The following PAK2 variants were observed in gnomAD, a reference collection of about 807,000 sequenced individuals.
The protein encoded by PAK2 is p21 (RAC1) activated kinase 2.
Under a neutral mutation model 65.9 loss-of-function variants are expected in PAK2, and 21 were observed. The ratio of observed to expected loss-of-function variants is 0.32; its 90% CI spans 0.23 to 0.46. The LOEUF (loss-of-function observed/expected upper bound fraction) is 0.46. Ranked by LOEUF, PAK2 falls within the 20% of genes least tolerant of loss-of-function variation. The pLI is 1.00. For synonymous variants in PAK2, 204 were observed against 219.7 expected, an observed-to-expected ratio of 0.93 and a Z score of 0.63; for missense variants, 324 against 642.6, an observed-to-expected ratio of 0.50 and a Z score of 5.36.
At position 196,832,106 on chromosome 3, in the gene PAK2, C is replaced by G. The variant is rs903583403; in HGVS notation, c.*3701C>G. The G allele has an allele frequency of 1.3e-5, 2 of 152,182 alleles. No individual in the cohort carries two copies. Among genetic ancestry groups the G allele is most frequent in the African/African-American group, 4.8e-5 (2 of 41,434 alleles). 9.4% of individuals were successfully genotyped at this position (152,182 alleles called of 1,614,324 possible). A position where few individuals can be genotyped will look rare whatever the true frequency, so the allele number is the denominator to read the frequency against. ...AAGCGCTGGCCTGGCCTTGAAAGAA[C>G]CGAAGTCTTTCCCATTCACTTCTCT... On this transcript the variant is annotated 3_prime_UTR_variant, in exon 15 of 15. Transcript: ENST00000327134.
intron 1 of PAK2, among the ~76,000 whole-genome samples, chr3:196,745,633 T>C (rs1301187567): frequency 6.6e-6 from 1 of 152,056 alleles, no homozygotes; most frequent in African/African-American, 2.4e-5. Context: ...ACCAACGTGG[T>C]GAAACCTTGT....
intron 1 of PAK2, among the ~76,000 whole-genome samples, chr3:196,741,281 T>C (rs1713183304): frequency 6.6e-6 from 1 of 152,160 alleles, no homozygotes; most frequent in African/African-American, 2.4e-5. Context: ...GATTTTGTTT[T>C]TGTAGGGTTG....
At chr3:196,764,089 AC>A (rs1433308463) in intron 1 of PAK2, among the ~76,000 whole-genome samples, 2 of 150,622 alleles carry the variant, frequency 1.3e-5, no homozygotes, top group African/African-American at 2.4e-5. Context: ...GGCGTGAGCC[AC>A]CGCGCCCGGC....
chr3:196,762,252 A>G (rs1226575269), intron 1 of PAK2, among the ~76,000 whole-genome samples: 5 of 106,738 alleles, frequency 4.7e-5, no homozygotes, highest in Admixed American at 4.5e-4. Context: ...ATCCCAGACG[A>G]TGGGCGGCCA....
At chr3:196,810,337 T>G (rs1715735059) in intron 7 of PAK2, among the ~76,000 whole-genome samples, 2 of 152,116 alleles carry the variant, frequency 1.3e-5, no homozygotes, top group Admixed American at 6.6e-5. Context: ...TCTAACCTAA[T>G]GGAAATAATG....
rs1463301767 is a variant in PAK2 at position 196,820,080 on chromosome 3, T to A, written c.1154-291T>A. ...TTTAGTTTTGGTGTCTACTTTTGCT[T>A]TACTTTTTCGTAGACCTCTTTCAGT... On this transcript the variant is annotated intron_variant, in intron 12 of 14. Transcript: ENST00000327134. This position sits in a 1 kb window ranked among gnomAD's most constrained non-coding sequence, Gnocchi z 4.6. Among the ~76,000 whole-genome samples, 1 of 152,210 alleles carries A rather than the reference T, an allele frequency of 6.6e-6. No homozygotes were observed. Among genetic ancestry groups the A allele is most frequent in the African/African-American group, 2.4e-5 (1 of 41,462 alleles).
At chr3:196,803,245 A>G (rs1313553003) in intron 4 of PAK2, 81 bp downstream of exon 4, 26 of 1,132,246 alleles carry the variant, frequency 2.3e-5, no homozygotes, top group Non-Finnish European at 3.0e-5. Flanking sequence ...GGAAAAATGA[A>G]AAGCTAAACT....
In PAK2 at chr3:196,812,723, C is replaced by T. The variant is rs1431266602; in HGVS notation, c.823-16C>T. ...ATTCCTAAACCTGGTTTTTTTCAAT[C>T]CTGTTTTCATTATAGGTTGCTATCA... On this transcript the variant is annotated splice_polypyrimidine_tract_variant and intron_variant, in intron 9 of 14. Coordinates refer to ENST00000327134, the MANE Select transcript of PAK2 (RefSeq NM_002577.4). 5 of 1,142,196 alleles carry T rather than the reference C, an allele frequency of 4.4e-6. No homozygotes were observed. The highest frequency in any genetic ancestry group is 1.9e-5 in the Admixed American group (1 of 51,800). 70.8% of individuals were successfully genotyped at this position (1,142,196 alleles called of 1,614,324 possible).
chr3:196,766,458 A>G (rs1035843207), intron 1 of PAK2, among the ~76,000 whole-genome samples: 9 of 152,322 alleles, frequency 5.9e-5, no homozygotes, highest in African/African-American at 1.9e-4. Flanking sequence ...TTTACATTCA[A>G]TTCTGTTCCG....
In PAK2 at chr3:196,758,105, C is replaced by T. The variant is rs1453809018; in HGVS notation, c.-22+17948C>T. On this transcript the variant is annotated intron_variant, in intron 1 of 14. Transcript: ENST00000327134. ...TTTATTCATTCAAGAAATAATGACTCATCACCTACTCTGGGCTAAACACAG... is the reference window on the plus strand; with the variant it reads ...TTTATTCATTCAAGAAATAATGACTTATCACCTACTCTGGGCTAAACACAG... 2.0e-5 allele frequency among the ~76,000 whole-genome samples: 3 copies of T among 152,178 alleles called. No individual in the cohort carries two copies. The East Asian group carries it at 5.8e-4, about 29-fold the overall frequency.
chr3:196,799,186 GT>G (rs1291588931), intron 2 of PAK2, among the ~76,000 whole-genome samples: 3 of 152,188 alleles, frequency 2.0e-5, no homozygotes, highest in Admixed American at 2.0e-4. Context: ...GTGGAAGTAA[GT>G]GTAATAAGGT....
chr3:196,795,773 A>C (rs1358632432), intron 2 of PAK2, among the ~76,000 whole-genome samples: 2 of 152,230 alleles, frequency 1.3e-5, no homozygotes, highest in African/African-American at 4.8e-5. Context: ...AAAAAATGTT[A>C]AACTAAGCCC....
intron 1 of PAK2, among the ~76,000 whole-genome samples, chr3:196,754,728 G>A (rs1713713831): frequency 6.6e-6 from 1 of 152,180 alleles, no homozygotes; most frequent in African/African-American, 2.4e-5. Context: ...AGCCCCGCTG[G>A]AACCTTACCT....
intron 1 of PAK2, among the ~76,000 whole-genome samples, chr3:196,750,960 T>C: frequency 6.6e-6 from 1 of 152,188 alleles, no homozygotes. Flanking sequence ...GTGGTACAAC[T>C]TTCCCTACCA....
chr3:196,767,259 G>T (rs78030636), intron 1 of PAK2, among the ~76,000 whole-genome samples: 2 of 151,934 alleles, frequency 1.3e-5, no homozygotes, highest in Non-Finnish European at 2.9e-5. Context: ...TTGTATTTTT[G>T]TGAGTATATC....
chr3:196,782,103 C>G (rs528119376), intron 1 of PAK2, among the ~76,000 whole-genome samples: 1 of 152,134 alleles, frequency 6.6e-6, no homozygotes, highest in East Asian at 1.9e-4. Context: ...GAGACTCCAT[C>G]TTGAAAATAA....
chr3:196,810,591 A>T lies in PAK2; in HGVS notation c.711A>T (p.Arg237Ser). The T allele has an allele frequency of 6.5e-7, 1 of 1,545,938 alleles. No individual in the cohort carries two copies. Among genetic ancestry groups the T allele is most frequent in the South Asian group, 1.1e-5 (1 of 89,584 alleles). Reference sequence around the variant, plus strand: ...CTTCCAGCTTTTTGTTTATTCTAGGAACTATCGTGAGCATAGGTGACCCTA... The same window carrying T: ...CTTCCAGCTTTTTGTTTATTCTAGGTACTATCGTGAGCATAGGTGACCCTA... ...MTDEEIMEKL[R>S]TIVSIGDPKK... The change falls in exon 8 of 15, where the codon AGA becomes AGT. Residue 237 changes from arginine (R) to serine (S), a missense_variant and splice_region_variant. Arg to Ser is a moderately radical substitution (Grantham distance 110). This residue lies in a region of PAK2 where 183 missense variants were observed against 246.2 expected (regional missense o/e 0.74). Coordinates refer to ENST00000327134, the MANE Select transcript of PAK2 (RefSeq NM_002577.4).
rs747580432 is a variant in PAK2, at chr3:196,828,400, C to T, written c.1570C>T (p.Arg524Cys). 1.6e-5 allele frequency: 25 copies of T among 1,567,650 alleles called. No homozygotes were observed. The highest frequency in any genetic ancestry group is 1.8e-4 in the Middle Eastern group (1 of 5,612). Residue 524 changes from arginine to cysteine, a missense_variant, in exon 15 of 15, where the codon CGT (arginine) becomes TGT (cysteine). Arg to Cys is a radical substitution (Grantham distance 180). Transcript: ENST00000327134. ...AGCTAAAGAAGCAATGAAGAGTAAC[C>T]GTTAACATCACTGCTGTGGCCTCAT... ...MAAKEAMKSN[R>C]
intron 2 of PAK2, among the ~76,000 whole-genome samples, chr3:196,796,584 A>G (rs1715267101): frequency 6.6e-6 from 1 of 152,224 alleles, no homozygotes; most frequent in Admixed American, 6.6e-5. Context: ...ACATGATAGT[A>G]TATGAAGAGT....
Sources: allele counts gnomAD v4.1 joint callset (sites outside exome capture counted in the v4.1 genomes callset), GRCh38; gene constraint gnomAD v4.1.1; regional missense constraint gnomAD v4.1.1; non-coding constraint Gnocchi (gnomAD v3.1); transcripts MANE v1.5; gene names NCBI Gene and HGNC (gene_info 2026-07-23, HGNC 2026-07-21).